Variants in TBCD observed in about 807,000 individuals in gnomAD.
TBCD encodes the protein tubulin-specific chaperone D.
TBCD carries 105 observed loss-of-function variants against 169.3 expected under a neutral mutation model. The observed-to-expected ratio is 0.62, with a 90% confidence interval of 0.53 to 0.73. The LOEUF (loss-of-function observed/expected upper bound fraction) is 0.73, where lower values mean the gene tolerates loss of function less well. Ranked by LOEUF, TBCD falls within the 30% of genes least tolerant of loss-of-function variation. The pLI is 0.00. For synonymous variants in TBCD, 700 were observed against 643.9 expected (o/e 1.09, Z -1.32); for missense variants, 1,444 against 1,600.1 (o/e 0.90, Z 1.66).
Position 82,766,322 on chromosome 17 carries a change from A to T in TBCD, c.389A>T (p.Glu130Val), listed in dbSNP as rs2048012938. 1 of 1,613,370 alleles carries T rather than the reference A, an allele frequency of 6.2e-7. No homozygotes were observed. Among genetic ancestry groups the T allele is most frequent in the East Asian group, 2.2e-5 (1 of 44,880 alleles). ...TTTCCTCATGAAGTTGCCGATGTAG[A>T]GCCTGTTTTAGATTTGGTCACAATT... ...RLFPHEVADV[E>V]PVLDLVTIQN... The change falls in exon 4 of 39, where the codon GAG (glutamate) becomes GTG (valine). Residue 130 changes from glutamate (E) to valine (V), a missense_variant. Glu to Val is a moderately radical substitution (Grantham distance 121, BLOSUM62 -2). Transcript: ENST00000355528.
rs74000102 is a variant in TBCD, at chr17:82,796,475, A to G, written c.772-1282A>G. On this transcript the variant is annotated intron_variant, in intron 7 of 38. Coordinates refer to ENST00000355528, the MANE Select transcript of TBCD (RefSeq NM_005993.5). Reference sequence around the variant, plus strand: ...TGTTACTATCCATTTCGCTAAAGAGAAAGGGGCTAAGTCTCTGATCACCTT... The same window carrying G: ...TGTTACTATCCATTTCGCTAAAGAGGAAGGGGCTAAGTCTCTGATCACCTT... Among the ~76,000 whole-genome samples, 1,451 of 152,328 alleles carry G rather than the reference A, an allele frequency of 9.5e-3. 18 individuals are homozygous for G. Among genetic ancestry groups the G allele is most frequent in the African/African-American group, 0.032 (1,342 of 41,564 alleles).
At chr17:82,940,752 A>G (rs1053886070) in intron 37 of TBCD, among the ~76,000 whole-genome samples, 1 of 151,780 alleles carries the variant, frequency 6.6e-6, no homozygotes, top group East Asian at 1.9e-4. Context: ...TTTTACAATG[A>G]TTTTTTTAAA....
At chr17:82,759,208 C>T (rs562147574) in intron 2 of TBCD, among the ~76,000 whole-genome samples, 3 of 151,914 alleles carry the variant, frequency 2.0e-5, no homozygotes, top group South Asian at 2.1e-4. Flanking sequence ...TTTGGCCAGG[C>T]GCAGTAGCTC....
At chr17:82,856,181 G>A (rs12600499) in intron 13 of TBCD, among the ~76,000 whole-genome samples, 147,452 of 151,750 alleles carry the variant, frequency 0.97, 71,801 homozygotes, top group East Asian at 1. Flanking sequence ...ACATGTCAGT[G>A]AAGTAAATGG....
chr17:82,925,686 G>A (rs1056823047), intron 27 of TBCD, among the ~76,000 whole-genome samples: 2 of 152,200 alleles, frequency 1.3e-5, no homozygotes, highest in East Asian at 1.9e-4. Flanking sequence ...TGGCGGGTGG[G>A]CCTCGCAGCC....
rs2060031887 is a variant in TBCD, at chr17:82,903,579, T to G, written c.1804+101T>G. 8.0e-7 allele frequency: 1 copy of G among 1,248,250 alleles called. No individual in the cohort carries two copies. The highest frequency in any genetic ancestry group is 1.5e-5 in the African/African-American group (1 of 66,952). 77.3% of individuals were successfully genotyped at this position (1,248,250 alleles called of 1,614,324 possible). On this transcript the variant is annotated intron_variant, in intron 19 of 38. Coordinates refer to ENST00000355528, the MANE Select transcript of TBCD (RefSeq NM_005993.5). This position sits in a 1 kb window ranked among gnomAD's most constrained non-coding sequence, Gnocchi z 4.8. ...CTGGGGGCTGAAAATAAGGTTGTGC[T>G]TCTGTCTTGGTGAGAAGCATCTGAG...
chr17:82,853,280 A>G (rs1181324031), intron 13 of TBCD, among the ~76,000 whole-genome samples: 1 of 151,698 alleles, frequency 6.6e-6, no homozygotes, highest in Non-Finnish European at 1.5e-5. Context: ...TTTTTTTGTA[A>G]GGGTAGGGTT....
intron 37 of TBCD, among the ~76,000 whole-genome samples, chr17:82,940,935 C>T (rs1003585810): frequency 2.0e-5 from 3 of 152,082 alleles, no homozygotes; most frequent in Non-Finnish European, 4.4e-5. Context: ...GGGGCTTCTC[C>T]TATCGTTTAA....
chr17:82,939,322 G>A (rs2147546334), intron 36 of TBCD, 45 bp from the exon 37 acceptor site: 1 of 1,501,528 alleles, frequency 6.7e-7, no homozygotes, highest in East Asian at 2.4e-5. Context: ...CCGGGGTGGG[G>A]CGGTGGCGCT....
rs1469794087 is a variant in TBCD, at chr17:82,923,932, C to G, written c.2260+199C>G. Among the ~76,000 whole-genome samples, 2 of 152,132 alleles carry G rather than the reference C, an allele frequency of 1.3e-5. No homozygotes were observed. The highest frequency in any genetic ancestry group is 2.9e-5 in the Non-Finnish European group (2 of 68,022). On this transcript the variant is annotated intron_variant, in intron 26 of 38. Transcript: ENST00000355528. The surrounding 1 kb of genome is among the most constrained non-coding windows in gnomAD (Gnocchi z 4.6). ...CCTGCAGCTGCCCAGGATGTTGCAT[C>G]AGCTCTGAACAGGTGGCTCAGCAGG...
At chr17:82,796,638 G>T (rs1051185779) in intron 7 of TBCD, among the ~76,000 whole-genome samples, 1 of 152,110 alleles carries the variant, frequency 6.6e-6, no homozygotes, top group Non-Finnish European at 1.5e-5. Context: ...TCTCCTTCCT[G>T]TTTTGATCGT....
Position 82,923,767 on chromosome 17 carries a change from G to A in TBCD, c.2260+34G>A. 6.5e-7 allele frequency: 1 copy of A among 1,544,398 alleles called. No individual in the cohort carries two copies. The highest frequency in any genetic ancestry group is 8.8e-7 in the Non-Finnish European group (1 of 1,140,080). On this transcript the variant is annotated intron_variant, in intron 26 of 38. Coordinates refer to ENST00000355528, the MANE Select transcript of TBCD (RefSeq NM_005993.5). The surrounding 1 kb of genome is among the most constrained non-coding windows in gnomAD (Gnocchi z 4.6). ...GGAGCCCTTTTCTTGAAGACTCCAG[G>A]GGCTTCCAGCAGGAAGCTGCTGGGG...
In TBCD at chr17:82,922,939, C is replaced by T. The variant is rs1485357449; in HGVS notation, c.2179-713C>T. Among the ~76,000 whole-genome samples the T allele has an allele frequency of 6.6e-6, 1 of 152,212 alleles. No homozygotes were observed. The highest frequency in any genetic ancestry group is 2.4e-5 in the African/African-American group (1 of 41,456). On this transcript the variant is annotated intron_variant, in intron 25 of 38. Transcript: ENST00000355528. The surrounding 1 kb of genome is among the most constrained non-coding windows in gnomAD (Gnocchi z 4.1). ...CAGTGGCACTGAGCCCCGCACGCGG[C>T]GGGACTGGTGACTCTCTGCCCGCTC...
intron 15 of TBCD, among the ~76,000 whole-genome samples, chr17:82,887,158 T>TGCGCGC (rs1453940525): frequency 9.2e-5 from 10 of 108,146 alleles, no homozygotes; most frequent in African/African-American, 4.6e-4. Context: ...TGTGTGTGTG[T>TGCGCGC]GTGTGTGTGT....
chr17:82,761,892 A>AT (rs957889577), intron 2 of TBCD, among the ~76,000 whole-genome samples: 24 of 147,848 alleles, frequency 1.6e-4, no homozygotes, highest in African/African-American at 4.0e-4. Flanking sequence ...CACCCAGCTA[A>AT]TTTTTTTTTT....
chr17:82,937,277 C>G lies in TBCD; in HGVS notation c.3198C>G (p.Pro1066=), dbSNP rs1377954667. ...FDIFTTEEDH[P]FAVKLLALCK... is the part of the protein sequence containing the mutation. ...GTGTGTGTTGTTCTTCCAGCCACCC[C>G]TTTGCTGTGAAGTTGCTTGCGCTCT... Residue 1066 remains proline (P), a synonymous_variant, in exon 35 of 39, where the codon CCC becomes CCG. Transcript: ENST00000355528. The G allele has an allele frequency of 6.2e-7, 1 of 1,613,980 alleles. No homozygotes were observed. The highest frequency in any genetic ancestry group is 1.6e-4 in the Middle Eastern group (1 of 6,062).
At chr17:82,777,742 C>T (rs1257495118) in intron 6 of TBCD, among the ~76,000 whole-genome samples, 2 of 152,220 alleles carry the variant, frequency 1.3e-5, no homozygotes, top group African/African-American at 2.4e-5. Flanking sequence ...AGCACAGCAT[C>T]ACAGGGAGAC....
chr17:82,837,334 TTGTACTC>T (rs1373487239), intron 13 of TBCD, among the ~76,000 whole-genome samples: 43 of 152,316 alleles, frequency 2.8e-4, no homozygotes, highest in African/African-American at 9.9e-4. Flanking sequence ...CAGCCCGACT[TTGTACTC>T]TGGCAGCTGC....
chr17:82,916,765 C>G (rs1377958728), intron 23 of TBCD, among the ~76,000 whole-genome samples: 3 of 152,010 alleles, frequency 2.0e-5, no homozygotes, highest in Non-Finnish European at 4.4e-5. Context: ...AGAACAAGTT[C>G]CCTTTGTGTT....
Sources: allele counts gnomAD v4.1 joint callset (sites outside exome capture counted in the v4.1 genomes callset), GRCh38; gene constraint gnomAD v4.1.1; non-coding constraint Gnocchi (gnomAD v3.1); transcripts MANE v1.5; gene names NCBI Gene and HGNC (gene_info 2026-07-23, HGNC 2026-07-21).